Variants in GSTCD observed in about 807,000 individuals in gnomAD.
The protein encoded by GSTCD is glutathione S-transferase C-terminal domain-containing protein.
GSTCD carries 44 observed loss-of-function variants against 68.3 expected under a neutral mutation model. The observed-to-expected ratio is 0.64, with a 90% CI of 0.51 to 0.83. The LOEUF is 0.83. Among genes scored for constraint, GSTCD ranks in the 40% least tolerant of loss-of-function variants. The pLI is 0.00. For synonymous variants in GSTCD, 273 were observed against 255.2 expected, an observed-to-expected ratio of 1.07 and a Z score of -0.67; for missense variants, 739 against 735.9, an observed-to-expected ratio of 1.00 and a Z score of -0.05.
intron 5 of GSTCD, among the ~76,000 whole-genome samples, chr4:105,795,483 T>C (rs976270808): frequency 6.6e-6 from 1 of 152,126 alleles, no homozygotes; most frequent in Non-Finnish European, 1.5e-5. Context: ...CAGTGTATGA[T>C]CAATTTCATA....
intron 5 of GSTCD, among the ~76,000 whole-genome samples, chr4:105,778,892 C>T (rs1735172963): frequency 6.6e-6 from 1 of 151,970 alleles, no homozygotes; most frequent in Admixed American, 6.6e-5. Context: ...TATTTCTCTC[C>T]TTTTCTCTCT....
intron 11 of GSTCD, among the ~76,000 whole-genome samples, chr4:105,843,725 C>T (rs1463242394): frequency 6.6e-6 from 1 of 152,180 alleles, no homozygotes; most frequent in East Asian, 1.9e-4. Flanking sequence ...GCCCCACTTC[C>T]TAACACTGTT....
intron 5 of GSTCD, among the ~76,000 whole-genome samples, chr4:105,767,131 G>A (rs6850018): frequency 6.6e-6 from 1 of 152,058 alleles, no homozygotes; most frequent in Non-Finnish European, 1.5e-5. Flanking sequence ...GTGATGTGCA[G>A]AAAATGGAAG....
At chr4:105,794,839 T>TTATCTATC (rs148088004) in intron 5 of GSTCD, among the ~76,000 whole-genome samples, 32 of 114,582 alleles carry the variant, frequency 2.8e-4, no homozygotes, top group African/African-American at 1.4e-3. Flanking sequence ...ATCTATCTAT[T>TTATCTATC]TATCTATCTA....
Position 105,767,201 on chromosome 4 carries a change from T to G in GSTCD, c.1240+37702T>G, listed in dbSNP as rs146122558. Reference sequence around the variant, plus strand: ...GGTGTTTGCTTTATTTGAATAGGGTTTGAACAGTTGACCGCATGTGATTGG... The same window carrying G: ...GGTGTTTGCTTTATTTGAATAGGGTGTGAACAGTTGACCGCATGTGATTGG... On this transcript the variant is annotated intron_variant, in intron 5 of 11. Transcript: ENST00000515279. Among the ~76,000 whole-genome samples, 198 of 152,266 alleles carry G rather than the reference T, an allele frequency of 1.3e-3. 2 individuals are homozygous for G. Among genetic ancestry groups the G allele is most frequent in the African/African-American group, 4.6e-3 (192 of 41,544 alleles).
intron 5 of GSTCD, among the ~76,000 whole-genome samples, chr4:105,803,285 C>T (rs1736177185): frequency 6.6e-6 from 1 of 151,922 alleles, no homozygotes; most frequent in East Asian, 1.9e-4. Flanking sequence ...TCCAGTTCTA[C>T]AGGGGAAATA....
At chr4:105,811,432 T>C (rs993264897) in intron 5 of GSTCD, among the ~76,000 whole-genome samples, 2 of 148,334 alleles carry the variant, frequency 1.3e-5, no homozygotes, top group African/African-American at 2.5e-5. Context: ...ATGATGAGAT[T>C]ATGGGAGTAA....
chr4:105,752,107 T>G (rs773743473), intron 5 of GSTCD, among the ~76,000 whole-genome samples: 6 of 152,170 alleles, frequency 3.9e-5, no homozygotes, highest in Non-Finnish European at 7.4e-5. Flanking sequence ...ACAGCTTTAG[T>G]GCCTCATTGC....
chr4:105,725,925 G>A (rs1463091411), intron 3 of GSTCD, among the ~76,000 whole-genome samples: 1 of 152,034 alleles, frequency 6.6e-6, no homozygotes, highest in Middle Eastern at 3.2e-3. Context: ...GAACCTCCAT[G>A]GATTGCTAGT....
chr4:105,725,407 AC>A (rs928493794), intron 3 of GSTCD, among the ~76,000 whole-genome samples: 2 of 152,154 alleles, frequency 1.3e-5, no homozygotes, highest in African/African-American at 4.8e-5. Flanking sequence ...GTAAGGAACT[AC>A]CAAACTGTCT....
chr4:105,840,240 T>C (rs370712745), intron 10 of GSTCD: 3 of 454,390 alleles, frequency 6.6e-6, no homozygotes, highest in East Asian at 6.9e-5. Context: ...TGAATCTTAA[T>C]TTACAAACAC....
chr4:105,772,879 G>A (rs539576901), intron 5 of GSTCD, among the ~76,000 whole-genome samples: 1 of 152,322 alleles, frequency 6.6e-6, no homozygotes, highest in Admixed American at 6.5e-5. Flanking sequence ...CATAAAATGA[G>A]TTAGGGAGGA....
chr4:105,819,409 A>G (rs1401663202), intron 5 of GSTCD, among the ~76,000 whole-genome samples: 1 of 151,754 alleles, frequency 6.6e-6, no homozygotes. Flanking sequence ...TAATTAACAC[A>G]CACCTTCTTC....
chr4:105,715,117 C>G (rs996685596), intron 1 of GSTCD, among the ~76,000 whole-genome samples: 1 of 152,080 alleles, frequency 6.6e-6, no homozygotes, highest in African/African-American at 2.4e-5. Context: ...TTTTTACTCT[C>G]CTACTGTCAG....
chr4:105,833,596 G>A (rs1337275841), intron 8 of GSTCD, among the ~76,000 whole-genome samples: 1 of 152,188 alleles, frequency 6.6e-6, no homozygotes, highest in Non-Finnish European at 1.5e-5. Flanking sequence ...AAATGGAGAT[G>A]TGAGGGGTTT....
At chr4:105,794,254 G>A (rs1019520507) in intron 5 of GSTCD, among the ~76,000 whole-genome samples, 1 of 152,026 alleles carries the variant, frequency 6.6e-6, no homozygotes, top group Admixed American at 6.5e-5. Flanking sequence ...GGACTACTGG[G>A]AGGAGGTAGA....
In GSTCD at chr4:105,760,798, A is replaced by T. The variant is rs1734376487; in HGVS notation, c.1240+31299A>T. Among the ~76,000 whole-genome samples, 2 of 152,276 alleles carry T rather than the reference A, an allele frequency of 1.3e-5. 1 individual carries two copies. Among genetic ancestry groups the T allele is most frequent in the South Asian group, 4.1e-4 (2 of 4,828 alleles). ...TAATGCCAGCTATTGATGGATTGGT[A>T]TAGTTGAGAACAGCTCACTGAGAAG... On this transcript the variant is annotated intron_variant, in intron 5 of 11. Transcript: ENST00000515279.
At chr4:105,783,999 G>A (rs1387329188) in intron 5 of GSTCD, among the ~76,000 whole-genome samples, 1 of 152,208 alleles carries the variant, frequency 6.6e-6, no homozygotes, top group East Asian at 1.9e-4. Context: ...CCACAGAAAA[G>A]GCATGGGATG....
intron 5 of GSTCD, among the ~76,000 whole-genome samples, chr4:105,809,525 T>G (rs1486571630): frequency 1.3e-5 from 2 of 152,106 alleles, no homozygotes; most frequent in African/African-American, 2.4e-5. Context: ...TCCTTGCTCT[T>G]TCTCCCCTTT....
Sources: gnomAD v4.1 joint callset for allele counts (sites outside exome capture counted in the v4.1 genomes callset) on GRCh38, gnomAD v4.1.1 for gene constraint, MANE v1.5 for transcripts, NCBI Gene and HGNC (gene_info 2026-07-23, HGNC 2026-07-21) for gene names.